ATG2B: variants seen among roughly 807,000 people sequenced by gnomAD.
ATG2B encodes the protein autophagy-related protein 2 homolog B.
A neutral mutation model predicts 241.3 loss-of-function variants in ATG2B; 121 were observed. The observed-to-expected ratio is 0.50, with a 90% CI of 0.43 to 0.58. The LOEUF (loss-of-function observed/expected upper bound fraction) is 0.58. Ranked by LOEUF, ATG2B falls within the 20% of genes least tolerant of loss-of-function variation. The pLI is 0.00. For synonymous variants in ATG2B, 858 were observed against 876.6 expected (o/e 0.98, Z 0.37); for missense variants, 2,306 against 2,491.6 (o/e 0.93, Z 1.59).
Position 96,311,524 on chromosome 14 carries a change from T to C in ATG2B, c.3990+18A>G, listed in dbSNP as rs1310860157. On this transcript the variant is annotated intron_variant, in intron 27 of 41. Transcript: ENST00000359933. ...TAAAAAATAGAACTTAAAATTTTCA[T>C]TTATTTTAATAACTCACTTGCTCTC... 1.3e-6 allele frequency: 2 copies of C among 1,563,022 alleles called. No homozygotes were observed. The highest frequency in any genetic ancestry group is 1.7e-6 in the Non-Finnish European group (2 of 1,148,230).
intron 28 of ATG2B, among the ~76,000 whole-genome samples, chr14:96,310,594 A>G (rs1356112316): frequency 2.0e-5 from 3 of 152,290 alleles, no homozygotes; most frequent in African/African-American, 4.8e-5. Flanking sequence ...TAGAGCAATC[A>G]TCTAAATTCT....
chr14:96,334,312 TAG>T (rs1347107074), intron 7 of ATG2B, 91 bp downstream of exon 7: 1 of 757,798 alleles, frequency 1.3e-6, no homozygotes, highest in East Asian at 2.9e-5. Context: ...TCAAAAATAA[TAG>T]ACTTTCCTAC....
rs1017459464 is a variant in ATG2B, at chr14:96,328,475, G to C, written c.2035C>G (p.Pro679Ala). The C allele has an allele frequency of 9.3e-6, 15 of 1,612,648 alleles. No individual in the cohort carries two copies. The highest frequency in any genetic ancestry group is 1.3e-5 in the Non-Finnish European group (15 of 1,179,728). Residue 679 changes from proline to alanine, a missense_variant, in exon 14 of 42, where the codon CCA (proline) becomes GCA (alanine). Pro to Ala is a conservative substitution (Grantham distance 27). Around this residue, in one of 2 missense-constraint regions of ATG2B, gnomAD observed 1,927 missense variants for 2,011.2 expected, o/e 0.96. Coordinates refer to ENST00000359933, the MANE Select transcript of ATG2B (RefSeq NM_018036.7). ...HKAELQIKLN[P>A]VCCELDISIV... is the part of the protein sequence containing the mutation. ...CTGATATCCAGCTCACAACACACTGGATTTAATTTAATTTGCAATTCTGCC... is the reference window on the plus strand; with the variant it reads ...CTGATATCCAGCTCACAACACACTGCATTTAATTTAATTTGCAATTCTGCC...
chr14:96,314,740 C>T (rs1887258661), intron 23 of ATG2B, among the ~76,000 whole-genome samples: 1 of 152,236 alleles, frequency 6.6e-6, no homozygotes, highest in African/African-American at 2.4e-5. Flanking sequence ...TCGCTCTTGT[C>T]GCCAGACTGG....
At chr14:96,322,284 A>C (rs769651493) in intron 17 of ATG2B, 30 bp from the exon 18 acceptor site, 1 of 1,570,668 alleles carries the variant, frequency 6.4e-7, no homozygotes, top group Non-Finnish European at 8.6e-7. Flanking sequence ...TGCAAAAAAA[A>C]AGGCATCCAT....
intron 6 of ATG2B, among the ~76,000 whole-genome samples, chr14:96,337,550 T>C (rs533761256): frequency 7.9e-5 from 12 of 152,164 alleles, no homozygotes; most frequent in African/African-American, 2.9e-4. Flanking sequence ...AACTAAAAAA[T>C]ATGTTTTTGT....
rs1347071390 is a variant in ATG2B at position 96,282,222 on chromosome 14, C to T, written c.*3533G>A. 1 of 152,170 alleles carries T rather than the reference C, an allele frequency of 6.6e-6. No homozygotes were observed. The highest frequency in any genetic ancestry group is 1.5e-5 in the Non-Finnish European group (1 of 68,034). 9.4% of individuals were successfully genotyped at this position (152,170 alleles called of 1,614,324 possible). On this transcript the variant is annotated 3_prime_UTR_variant, in exon 42 of 42. Transcript: ENST00000359933. ...CTTCCTTTTTAACCTAAGACTCAAA[C>T]ATTTATATTTGATTTTATTCTATTT...
chr14:96,334,462 G>A lies in ATG2B; in HGVS notation c.964C>T (p.Leu322=). ...AGCAAGTGCACCTGTCTTGGTGACA[G>A]GAGTAGATGAATAGAGTCTATCTGT... is the stretch of plus-strand genomic sequence containing the variant. ...DGQIDSIHLL[L]SPRQVHLLLD... Residue 322 remains leucine, a synonymous_variant, in exon 7 of 42, where the codon CTG becomes TTG. Coordinates refer to ENST00000359933, the MANE Select transcript of ATG2B (RefSeq NM_018036.7). 2 of 1,609,942 alleles carry A rather than the reference G, an allele frequency of 1.2e-6. No homozygotes were observed. The highest frequency in any genetic ancestry group is 1.7e-6 in the Non-Finnish European group (2 of 1,178,536).
intron 15 of ATG2B, among the ~76,000 whole-genome samples, chr14:96,324,416 T>C (rs1453149555): frequency 1.3e-5 from 2 of 152,134 alleles, no homozygotes; most frequent in East Asian, 3.8e-4. Flanking sequence ...CTGGGCGCGG[T>C]GACTCACACC....
At position 96,282,599 on chromosome 14, in the gene ATG2B, T is replaced by C. The variant is rs142320120; in HGVS notation, c.*3156A>G. 3 of 152,370 alleles carry C rather than the reference T, an allele frequency of 2.0e-5. No homozygotes were observed. Among genetic ancestry groups the C allele is most frequent in the East Asian group, 3.9e-4 (2 of 5,192 alleles). The allele number at this position is 152,370 out of a possible 1,614,324, so 9.4% of individuals were successfully genotyped here. On this transcript the variant is annotated 3_prime_UTR_variant, in exon 42 of 42. Transcript: ENST00000359933. ...CAATCCTGAAACCATTTAGTGCAAT[T>C]GGGGATTCCTCATTTTAAGTCGCTG...
In ATG2B at chr14:96,322,100, G is replaced by A; in HGVS notation, c.2879+12C>T. The A allele has an allele frequency of 1.3e-6, 2 of 1,514,410 alleles. No homozygotes were observed. Among genetic ancestry groups the A allele is most frequent in the Non-Finnish European group, 1.8e-6 (2 of 1,135,966 alleles). 93.8% of individuals were successfully genotyped at this position (1,514,410 alleles called of 1,614,324 possible). A position where few individuals can be genotyped will look rare whatever the true frequency, so the allele number is the denominator to read the frequency against. Reference sequence around the variant, plus strand: ...TGATTCCAAAGATTCAACTAAATGTGTATAAACTCACCTATTATAAAGCTT... The same window carrying A: ...TGATTCCAAAGATTCAACTAAATGTATATAAACTCACCTATTATAAAGCTT... On this transcript the variant is annotated intron_variant, in intron 18 of 41. Transcript: ENST00000359933.
intron 1 of ATG2B, among the ~76,000 whole-genome samples, chr14:96,349,334 C>T (rs1888253439): frequency 6.6e-6 from 1 of 152,184 alleles, no homozygotes; most frequent in South Asian, 2.1e-4. Context: ...GAGTAGGATC[C>T]AAAGAGCCTT....
intron 1 of ATG2B, among the ~76,000 whole-genome samples, chr14:96,349,301 G>A (rs1314812752): frequency 2.0e-5 from 3 of 152,244 alleles, no homozygotes; most frequent in Admixed American, 6.5e-5. Flanking sequence ...AAGACCCAGA[G>A]ACAAGGCTAT....
At chr14:96,296,906 T>C (rs988586312) in intron 34 of ATG2B, among the ~76,000 whole-genome samples, 3 of 152,176 alleles carry the variant, frequency 2.0e-5, no homozygotes, top group African/African-American at 7.2e-5. Context: ...ACTGATCACA[T>C]ATCTCAGAAG....
chr14:96,355,170 T>C (rs149690375), intron 1 of ATG2B, among the ~76,000 whole-genome samples: 4 of 152,228 alleles, frequency 2.6e-5, no homozygotes, highest in African/African-American at 9.6e-5. Flanking sequence ...TTTGCTTTTG[T>C]TGCAATTGCT....
At chr14:96,308,250 AT>A (rs1887030695) in intron 29 of ATG2B, among the ~76,000 whole-genome samples, 1 of 14,004 alleles carries the variant, frequency 7.1e-5, no homozygotes, top group African/African-American at 2.1e-4. Context: ...ATATATATAT[AT>A]ACACACATAT....
chr14:96,310,072 C>T (rs1887107596), intron 28 of ATG2B, among the ~76,000 whole-genome samples: 1 of 152,076 alleles, frequency 6.6e-6, no homozygotes, highest in Non-Finnish European at 1.5e-5. Context: ...GTTCCAGCAC[C>T]AAATACTTAA....
At position 96,315,369 on chromosome 14, in the gene ATG2B, G is replaced by C; in HGVS notation, c.3561+15C>G. The C allele has an allele frequency of 6.2e-7, 1 of 1,611,348 alleles. No homozygotes were observed. Among genetic ancestry groups the C allele is most frequent in the South Asian group, 1.1e-5 (1 of 90,942 alleles). ...GAATCAAATCAACAGTGGCATAAAA[G>C]TACAAAACACAAACCTTTGTATTGG... On this transcript the variant is annotated intron_variant, in intron 22 of 41. Coordinates refer to ENST00000359933, the MANE Select transcript of ATG2B (RefSeq NM_018036.7).
chr14:96,306,688 C>T, intron 30 of ATG2B, 26 bp downstream of exon 30: 1 of 1,591,844 alleles, frequency 6.3e-7, no homozygotes, highest in Non-Finnish European at 8.6e-7. Flanking sequence ...CCATTCAAGG[C>T]TTCAATAATG....
Sources: gnomAD v4.1 joint callset for allele counts (sites outside exome capture counted in the v4.1 genomes callset) on GRCh38, gnomAD v4.1.1 for gene constraint, gnomAD v4.1.1 regional missense constraint, MANE v1.5 for transcripts, NCBI Gene and HGNC (gene_info 2026-07-23, HGNC 2026-07-21) for gene names.